Variants in LDLRAD4 observed in about 807,000 individuals in gnomAD.
The protein encoded by LDLRAD4 is low-density lipoprotein receptor class A domain-containing protein 4.
In LDLRAD4, 5 loss-of-function variants were observed where a neutral mutation model predicts 17.0. The observed-to-expected ratio is 0.29, with a 90% confidence interval of 0.15 to 0.62. LDLRAD4 has a LOEUF of 0.62. LDLRAD4 is among the 20% of genes least tolerant of loss of function. The pLI is 0.84. For missense variants in LDLRAD4, 340 were observed against 424.7 expected, an observed-to-expected ratio of 0.80 and a Z score of 1.75; for synonymous variants, 168 against 171.8, an observed-to-expected ratio of 0.98 and a Z score of 0.17.
At chr18:13,407,986 TTACAAC>T (rs755071114) in intron 2 of LDLRAD4, among the ~76,000 whole-genome samples, 2 of 152,228 alleles carry the variant, frequency 1.3e-5, no homozygotes, top group African/African-American at 2.4e-5. Context: ...TGATCAGGTC[TTACAAC>T]TACAATTGTT....
intron 2 of LDLRAD4, among the ~76,000 whole-genome samples, chr18:13,401,388 T>G (rs1040957846): frequency 1.4e-5 from 2 of 147,526 alleles, no homozygotes; most frequent in Non-Finnish European, 3.0e-5. Flanking sequence ...AAAAAAAAAC[T>G]GTCCCTTTCT....
chr18:13,548,757 A>G (rs182621659), intron 3 of LDLRAD4, among the ~76,000 whole-genome samples: 3 of 152,262 alleles, frequency 2.0e-5, no homozygotes, highest in Admixed American at 1.3e-4. Context: ...CAACTTGGAA[A>G]GGGTTAGGGC....
chr18:13,413,913 A>T lies in LDLRAD4; in HGVS notation c.41-24331A>T, dbSNP rs188617748. ...AAACTCCAGAAATTAAAAAAAAAAA[A>T]TTTTTTTTTAAATCACTGGGAAAAG... On this transcript the variant is annotated intron_variant, in intron 2 of 5. Coordinates refer to ENST00000359446, the Ensembl canonical transcript of LDLRAD4. 6.4e-3 allele frequency among the ~76,000 whole-genome samples: 960 copies of T among 150,618 alleles called. 7 individuals carry two copies. Among genetic ancestry groups the T allele is most frequent in the Non-Finnish European group, 0.01 (694 of 67,734 alleles).
chr18:13,473,390 C>A (rs1313349072), intron 3 of LDLRAD4, among the ~76,000 whole-genome samples: 1 of 151,980 alleles, frequency 6.6e-6, no homozygotes, highest in Non-Finnish European at 1.5e-5. Context: ...CTAGTGGGGG[C>A]TGGGCACTGT....
upstream of LDLRAD4, among the ~76,000 whole-genome samples, chr18:13,218,479 C>T (rs1567899699): frequency 1.3e-5 from 2 of 152,070 alleles, no homozygotes; most frequent in Admixed American, 6.5e-5. Context: ...GGATGGCAGC[C>T]CCAACTGTCT....
intron 1 of LDLRAD4, among the ~76,000 whole-genome samples, chr18:13,315,739 A>G (rs2080894151): frequency 6.6e-6 from 1 of 150,710 alleles, no homozygotes; most frequent in Admixed American, 6.6e-5. Flanking sequence ...AGCTGAGATC[A>G]TGCCATTGCA....
intron 3 of LDLRAD4, among the ~76,000 whole-genome samples, chr18:13,448,423 C>G (rs2091568542): frequency 1.3e-5 from 2 of 152,152 alleles, no homozygotes; most frequent in Admixed American, 1.3e-4. Context: ...CCGGGCAGCT[C>G]CACAACTGGC....
intron 4 of LDLRAD4, among the ~76,000 whole-genome samples, chr18:13,630,261 AG>A (rs2041547293): frequency 6.6e-6 from 1 of 152,168 alleles, no homozygotes; most frequent in Non-Finnish European, 1.5e-5. Flanking sequence ...GAATCTGAGA[AG>A]TCTGATGATG....
At chr18:13,225,049 T>A (rs1488993704) in intron 1 of LDLRAD4, among the ~76,000 whole-genome samples, 1 of 151,696 alleles carries the variant, frequency 6.6e-6, no homozygotes, top group Non-Finnish European at 1.5e-5. Context: ...TTGGCCAGGC[T>A]GGTTTCTCAC....
At chr18:13,255,968 T>C (rs1019690579) in intron 1 of LDLRAD4, among the ~76,000 whole-genome samples, 1 of 152,240 alleles carries the variant, frequency 6.6e-6, no homozygotes, top group African/African-American at 2.4e-5. Flanking sequence ...ATCACTCTTG[T>C]TCATCATGAT....
At chr18:13,538,287 T>C (rs1163748992) in intron 3 of LDLRAD4, among the ~76,000 whole-genome samples, 1 of 152,234 alleles carries the variant, frequency 6.6e-6, no homozygotes. Flanking sequence ...TGTCTTCTTT[T>C]ATAACACAAG....
intron 1 of LDLRAD4, among the ~76,000 whole-genome samples, chr18:13,371,488 G>A (rs1463733383): frequency 6.6e-6 from 1 of 152,158 alleles, no homozygotes; most frequent in African/African-American, 2.4e-5. Context: ...CCCACAGTTG[G>A]CCGGGCGCAG....
chr18:13,370,716 T>TTTTTGTTTGTTTG (rs1388038060), intron 1 of LDLRAD4, among the ~76,000 whole-genome samples: 1 of 8,842 alleles, frequency 1.1e-4, no homozygotes, highest in Non-Finnish European at 1.2e-3. Context: ...TTGTTTTGTT[T>TTTTTGTTTGTTTG]TTTTTTTTTT....
In LDLRAD4 at chr18:13,622,993, C is replaced by T. The variant is rs975879676; in HGVS notation, c.336+1722C>T. On this transcript the variant is annotated intron_variant, in intron 4 of 5. Transcript: ENST00000359446. This position sits in a 1 kb window ranked among gnomAD's most constrained non-coding sequence, Gnocchi z 5.3. ...GACTTGCCCTGGTGTTGGCTTCTCT[C>T]TCCCTAGTGTGGGTCAGGCAGCTCC... Among the ~76,000 whole-genome samples the T allele has an allele frequency of 1.3e-5, 2 of 152,206 alleles. No individual in the cohort carries two copies. Among genetic ancestry groups the T allele is most frequent in the African/African-American group, 4.8e-5 (2 of 41,446 alleles).
chr18:13,583,079 G>A (rs1480277917), intron 3 of LDLRAD4, among the ~76,000 whole-genome samples: 1 of 151,728 alleles, frequency 6.6e-6, no homozygotes. Context: ...TTGGTCTCTG[G>A]GTCTTTTTGA....
intron 3 of LDLRAD4, among the ~76,000 whole-genome samples, chr18:13,453,931 A>G (rs2146430080): frequency 6.6e-6 from 1 of 152,386 alleles, no homozygotes; most frequent in East Asian, 1.9e-4. Context: ...AAAATATGCT[A>G]ACAGGCTGCG....
intron 2 of LDLRAD4, among the ~76,000 whole-genome samples, chr18:13,410,622 A>C (rs2088246853): frequency 6.6e-6 from 1 of 152,228 alleles, no homozygotes; most frequent in African/African-American, 2.4e-5. Context: ...AGGATGACAG[A>C]TAATGGCCTA....
At chr18:13,220,859 A>G (rs937013641) in intron 1 of LDLRAD4, among the ~76,000 whole-genome samples, 1 of 152,204 alleles carries the variant, frequency 6.6e-6, no homozygotes, top group African/African-American at 2.4e-5. Context: ...GGTTTCTGGC[A>G]GGCAGTCCAG....
intron 2 of LDLRAD4, among the ~76,000 whole-genome samples, chr18:13,429,907 A>G (rs767980256): frequency 6.6e-5 from 10 of 152,246 alleles, no homozygotes; most frequent in Non-Finnish European, 1.3e-4. Context: ...AGAGATAAAG[A>G]GTTGCCTGAG....
Sources: allele counts gnomAD v4.1 joint callset (sites outside exome capture counted in the v4.1 genomes callset), GRCh38; gene constraint gnomAD v4.1.1; non-coding constraint Gnocchi (gnomAD v3.1); transcripts MANE v1.5; gene names NCBI Gene and HGNC (gene_info 2026-07-23, HGNC 2026-07-21).